The following THSD4 variants were observed in gnomAD, a reference collection of about 807,000 sequenced individuals.
THSD4 encodes thrombospondin type 1 domain containing 4.
A neutral mutation model predicts 119.0 loss-of-function variants in THSD4; 69 were observed. The observed-to-expected ratio is 0.58, with a 90% CI of 0.48 to 0.71. The LOEUF (loss-of-function observed/expected upper bound fraction) is 0.71. Among genes scored for constraint, THSD4 ranks in the 30% least tolerant of loss-of-function variants. The pLI is 0.00. For missense variants in THSD4, 1,393 were observed against 1,391.1 expected, an observed-to-expected ratio of 1.00 and a Z score of -0.02; for synonymous variants, 524 against 540.4, an observed-to-expected ratio of 0.97 and a Z score of 0.42.
intron 7 of THSD4, among the ~76,000 whole-genome samples, chr15:71,484,468 C>G (rs1052054736): frequency 1.3e-5 from 2 of 152,182 alleles, no homozygotes; most frequent in East Asian, 1.9e-4. Flanking sequence ...TACACAGAAG[C>G]CTGGCTTTTA....
At chr15:71,664,132 A>G (rs998038487) in intron 8 of THSD4, among the ~76,000 whole-genome samples, 6 of 151,888 alleles carry the variant, frequency 4.0e-5, no homozygotes, top group Admixed American at 2.0e-4. Flanking sequence ...ACAGGCGCTC[A>G]CCACCATACC....
At chr15:71,188,861 C>CT (rs2043641737) in intron 3 of THSD4, 1 of 152,628 alleles carries the variant, frequency 6.6e-6, no homozygotes. Context: ...TTCAGAGGGC[C>CT]TTTCGGGAGT....
chr15:71,596,646 C>G (rs1016641727), intron 7 of THSD4, among the ~76,000 whole-genome samples: 1 of 152,180 alleles, frequency 6.6e-6, no homozygotes, highest in African/African-American at 2.4e-5. Flanking sequence ...TGGACAGGGT[C>G]TAGGTTGATC....
intron 7 of THSD4, among the ~76,000 whole-genome samples, chr15:71,525,978 G>T (rs2048512609): frequency 6.6e-6 from 1 of 152,114 alleles, no homozygotes; most frequent in East Asian, 1.9e-4. Context: ...AACAGTAAGT[G>T]AATTAGTAGA....
intron 7 of THSD4, among the ~76,000 whole-genome samples, chr15:71,619,364 A>G (rs2050379429): frequency 6.6e-6 from 1 of 152,200 alleles, no homozygotes; most frequent in Non-Finnish European, 1.5e-5. Context: ...AGATGAAAGC[A>G]TTGTCAAACA....
chr15:71,658,774 G>A (rs191413485), intron 7 of THSD4, among the ~76,000 whole-genome samples: 1 of 152,324 alleles, frequency 6.6e-6, no homozygotes, highest in East Asian at 1.9e-4. Flanking sequence ...ATTGGATGTG[G>A]ATGAGCATAT....
chr15:71,129,514 C>G (rs751668365), intron 1 of THSD4, among the ~76,000 whole-genome samples: 6 of 152,016 alleles, frequency 3.9e-5, no homozygotes, highest in Non-Finnish European at 7.4e-5. Flanking sequence ...AACCTAAATG[C>G]CCTTTATTGT....
upstream of THSD4, chr15:71,110,658 G>C (rs756678358): frequency 6.2e-6 from 1 of 162,394 alleles, no homozygotes; most frequent in Admixed American, 5.6e-5. Flanking sequence ...TCTAGCCAGT[G>C]TCCTGTATCT....
At chr15:71,189,743 A>G (rs557818138) in intron 3 of THSD4, among the ~76,000 whole-genome samples, 1 of 152,292 alleles carries the variant, frequency 6.6e-6, no homozygotes, top group South Asian at 2.1e-4. Context: ...GTGGAGCTTA[A>G]GAATCTGTGC....
chr15:71,564,467 G>A, intron 7 of THSD4, among the ~76,000 whole-genome samples: 1 of 152,110 alleles, frequency 6.6e-6, no homozygotes, highest in Admixed American at 6.6e-5. Flanking sequence ...GAGGTGGAAG[G>A]GGAGGGAGGT....
chr15:71,558,291 G>A (rs2049052783), intron 7 of THSD4, among the ~76,000 whole-genome samples: 1 of 152,150 alleles, frequency 6.6e-6, no homozygotes. Flanking sequence ...CTGCACCATT[G>A]CACTCCAGCC....
chr15:71,282,177 G>A (rs1318960796), intron 6 of THSD4, among the ~76,000 whole-genome samples: 2 of 152,274 alleles, frequency 1.3e-5, no homozygotes, highest in East Asian at 3.9e-4. Context: ...TTCCAAAGGA[G>A]TGTTTTTTAT....
At chr15:71,470,348 A>C (rs2047558101) in intron 7 of THSD4, among the ~76,000 whole-genome samples, 1 of 152,196 alleles carries the variant, frequency 6.6e-6, no homozygotes, top group African/African-American at 2.4e-5. Context: ...TCTTTCCTAG[A>C]GGTTGACTAC....
chr15:71,274,242 C>T (rs2140306888), intron 6 of THSD4, among the ~76,000 whole-genome samples: 1 of 152,298 alleles, frequency 6.6e-6, no homozygotes, highest in Non-Finnish European at 1.5e-5. Flanking sequence ...GGGTAGCCAC[C>T]TGGCTCATCA....
chr15:71,377,867 AACACACACACACACACAC>A (rs376497737), intron 6 of THSD4, among the ~76,000 whole-genome samples: 7 of 86,340 alleles, frequency 8.1e-5, no homozygotes, highest in South Asian at 4.7e-4. Context: ...ACATATCCAC[AACACACACACACACACAC>A]ACACACACAC....
intron 6 of THSD4, among the ~76,000 whole-genome samples, chr15:71,297,476 C>T (rs559268924): frequency 6.6e-6 from 1 of 152,204 alleles, no homozygotes; most frequent in South Asian, 2.1e-4. Context: ...GCTGGGATTA[C>T]AGGCACGTGC....
At chr15:71,575,505 T>G (rs1235538862) in intron 7 of THSD4, among the ~76,000 whole-genome samples, 1 of 152,092 alleles carries the variant, frequency 6.6e-6, no homozygotes, top group Non-Finnish European at 1.5e-5. Context: ...ACAAGAAGAG[T>G]ACCTTCATAT....
intron 7 of THSD4, among the ~76,000 whole-genome samples, chr15:71,414,431 G>C (rs1343801038): frequency 6.6e-6 from 1 of 152,232 alleles, no homozygotes; most frequent in Non-Finnish European, 1.5e-5. Context: ...ATTCAGTAGG[G>C]CCTGGGGAAG....
chr15:71,632,485 T>C (rs1259164712), intron 7 of THSD4, among the ~76,000 whole-genome samples: 2 of 152,252 alleles, frequency 1.3e-5, no homozygotes, highest in African/African-American at 4.8e-5. Context: ...ACCTACTTCT[T>C]TGGCCACTCT....
Sources: allele counts gnomAD v4.1 joint callset (sites outside exome capture counted in the v4.1 genomes callset), GRCh38; gene constraint gnomAD v4.1.1; transcripts MANE v1.5; gene names NCBI Gene and HGNC (gene_info 2026-07-23, HGNC 2026-07-21).